The following DOCK6 variants were observed in gnomAD, a reference collection of about 807,000 sequenced individuals.
The protein encoded by DOCK6 is dedicator of cytokinesis 6, also known as dedicator of cytokinesis protein 6.
DOCK6 carries 167 observed loss-of-function variants against 230.3 expected under a neutral mutation model. That is an observed-to-expected ratio of 0.73 (90% CI 0.64 to 0.82). DOCK6 has a LOEUF of 0.82. DOCK6 is among the 40% of genes least tolerant of loss of function. The pLI, the probability that DOCK6 is intolerant of heterozygous loss-of-function variation, is 0.00. For missense variants in DOCK6, 2,598 were observed against 2,825.8 expected, an observed-to-expected ratio of 0.92 and a Z score of 1.83; for synonymous variants, 1,148 against 1,185.0, an observed-to-expected ratio of 0.97 and a Z score of 0.64.
intron 1 of DOCK6, among the ~76,000 whole-genome samples, chr19:11,259,432 G>C (rs1013795410): frequency 1.5e-5 from 2 of 133,534 alleles, no homozygotes; most frequent in Middle Eastern, 4.5e-3. Context: ...ATTCAAGGAT[G>C]GGGGAGAGAG....
At chr19:11,247,182 C>T (rs2080048080) in intron 7 of DOCK6, 2 of 151,998 alleles carry the variant, frequency 1.3e-5, no homozygotes, top group Middle Eastern at 3.4e-3. Flanking sequence ...CTCTGCCCTC[C>T]GGGTCAAGAG....
intron 7 of DOCK6, among the ~76,000 whole-genome samples, chr19:11,246,627 C>T (rs2080039415): frequency 6.6e-6 from 1 of 152,202 alleles, no homozygotes; most frequent in South Asian, 2.1e-4. Flanking sequence ...AGCTCCTCCT[C>T]CCTGCAACCA....
chr19:11,243,439 T>G lies in DOCK6; in HGVS notation c.1259-54A>C. ...GGGGACCAAGATGAAACAGGGAGAC[T>G]CAGGGGCGGCACAGTTCGGCCAGCA... On this transcript the variant is annotated intron_variant, in intron 11 of 47. Transcript: ENST00000294618. This position sits in a 1 kb window ranked among gnomAD's most constrained non-coding sequence, Gnocchi z 6.3. 2.5e-6 allele frequency: 4 copies of G among 1,576,278 alleles called. No individual in the cohort carries two copies. The highest frequency in any genetic ancestry group is 2.6e-6 in the Non-Finnish European group (3 of 1,162,874).
chr19:11,207,982 C>G (rs1045029915), intron 39 of DOCK6, among the ~76,000 whole-genome samples: 13 of 150,534 alleles, frequency 8.6e-5, no homozygotes, highest in Admixed American at 6.6e-5. Flanking sequence ...ATTGGCCAGG[C>G]ATGGTGGCAT....
chr19:11,209,328 C>T (rs1158922538), intron 37 of DOCK6, among the ~76,000 whole-genome samples: 1 of 151,648 alleles, frequency 6.6e-6, no homozygotes, highest in East Asian at 1.9e-4. Context: ...GCTGGCCAGT[C>T]ATCTGTCTTC....
chr19:11,234,664 T>A (rs371917406), intron 21 of DOCK6, among the ~76,000 whole-genome samples: 1 of 152,238 alleles, frequency 6.6e-6, no homozygotes, highest in African/African-American at 2.4e-5. Context: ...AGAAGTGACG[T>A]CACTTGCCCA....
At chr19:11,245,114 A>G (rs953937551) in intron 9 of DOCK6, among the ~76,000 whole-genome samples, 1 of 152,160 alleles carries the variant, frequency 6.6e-6, no homozygotes, top group Admixed American at 6.5e-5. Flanking sequence ...ATCCCTGTGA[A>G]GCGTGACCAT....
chr19:11,204,635 G>A (rs997633662), intron 39 of DOCK6, among the ~76,000 whole-genome samples: 6 of 152,054 alleles, frequency 3.9e-5, no homozygotes, highest in Non-Finnish European at 7.4e-5. Flanking sequence ...CAACTCCTGG[G>A]CTCAAGAGAT....
Position 11,200,175 on chromosome 19 carries a change from A to C in DOCK6, c.6101+133T>G. On this transcript the variant is annotated intron_variant, in intron 47 of 47. Transcript: ENST00000294618. This position sits in a 1 kb window ranked among gnomAD's most constrained non-coding sequence, Gnocchi z 4.3. ...AAAAAAAAAACAAAAAAAAAACCGG[A>C]AACAAAACAAAGTCCAAGCTACCAG... is the stretch of plus-strand genomic sequence containing the variant. 4 of 967,678 alleles carry C rather than the reference A, an allele frequency of 4.1e-6. No homozygotes were observed. Among genetic ancestry groups the C allele is most frequent in the African/African-American group, 1.7e-5 (1 of 58,358 alleles). 59.9% of individuals were successfully genotyped at this position (967,678 alleles called of 1,614,324 possible). A position where few individuals can be genotyped will look rare whatever the true frequency, so the allele number is the denominator to read the frequency against.
At position 11,217,443 on chromosome 19, in the gene DOCK6, C is replaced by T. The variant is rs528538330; in HGVS notation, c.3551-52G>A. 2.0e-5 allele frequency: 32 copies of T among 1,573,534 alleles called. No individual in the cohort carries two copies. In the African/African-American group the frequency reaches 2.4e-4, roughly 12 times the overall value. On this transcript the variant is annotated intron_variant, in intron 28 of 47. Coordinates refer to ENST00000294618, the MANE Select transcript of DOCK6 (RefSeq NM_020812.4). The stretch of plus-strand genomic sequence containing the variant: ...AAGATAAACCCTTGGTAAGTGCTGT[C>T]CCTGTCTCAAATTTCAGAAGTCTTC...
rs2079983261 is a variant in DOCK6 at position 11,243,561 on chromosome 19, C to T, written c.1254G>A (p.Glu418=). The change falls in exon 11 of 48, where the codon GAG becomes GAA. Residue 418 remains glutamate, a synonymous_variant. Coordinates refer to ENST00000294618, the MANE Select transcript of DOCK6 (RefSeq NM_020812.4). This position sits in a 1 kb window ranked among gnomAD's most constrained non-coding sequence, Gnocchi z 6.3. The stretch of plus-strand genomic sequence containing the variant: ...CTGTTAGCCCCGCCTCCTCACCGCC[C>T]TCCGAGTCAGAGTCCCGGTCCAGCT... ...AGQLDRDSDS[E]GERRPAWTDR... 3 of 1,602,074 alleles carry T rather than the reference C, an allele frequency of 1.9e-6. No individual in the cohort carries two copies. Among genetic ancestry groups the T allele is most frequent in the Admixed American group, 3.4e-5 (2 of 58,398 alleles).
chr19:11,227,406 T>A lies in DOCK6; in HGVS notation c.2886A>T (p.Gly962=). Residue 962 remains glycine, a synonymous_variant, in exon 24 of 48, where the codon GGA becomes GGT. Coordinates refer to ENST00000294618, the MANE Select transcript of DOCK6 (RefSeq NM_020812.4). ...LDTPRKLRFP[G]RFLDDITALV... ...AGGCAGTGATGTCGTCCAGGAAGCGTCCGGGGAAGCGCAGCTTGCGGGGTG... is the reference window on the plus strand; with the variant it reads ...AGGCAGTGATGTCGTCCAGGAAGCGACCGGGGAAGCGCAGCTTGCGGGGTG... The A allele has an allele frequency of 1.2e-6, 2 of 1,613,658 alleles. No homozygotes were observed. Among genetic ancestry groups the A allele is most frequent in the Non-Finnish European group, 1.7e-6 (2 of 1,179,826 alleles).
chr19:11,216,789 C>G, intron 30 of DOCK6, 125 bp downstream of exon 30: 1 of 966,868 alleles, frequency 1.0e-6, no homozygotes, highest in Non-Finnish European at 1.6e-6. Flanking sequence ...CCCCTTTCCT[C>G]TCAGTCCCAC....
chr19:11,249,898 C>CAAAAAA (rs1198954379), intron 6 of DOCK6, among the ~76,000 whole-genome samples: 1 of 50,576 alleles, frequency 2.0e-5, no homozygotes. Flanking sequence ...GACTCCATCT[C>CAAAAAA]AAAAAAAAAA....
In DOCK6 at chr19:11,243,998, G is replaced by C. The variant is rs994218274; in HGVS notation, c.1024-116C>G. 22 of 1,158,156 alleles carry C rather than the reference G, an allele frequency of 1.9e-5. No individual in the cohort carries two copies. In the South Asian group the frequency reaches 3.0e-4, roughly 16 times the overall value. The allele number at this position is 1,158,156 out of a possible 1,614,324, so 71.7% of individuals were successfully genotyped here. On this transcript the variant is annotated intron_variant, in intron 9 of 47. Coordinates refer to ENST00000294618, the MANE Select transcript of DOCK6 (RefSeq NM_020812.4). This position sits in a 1 kb window ranked among gnomAD's most constrained non-coding sequence, Gnocchi z 6.3. ...CCCTCGGACACTCCTAACATATGAA[G>C]GCCTTTGCTCCAACACCTCCCATGG...
Position 11,199,873 on chromosome 19 carries a change from G to A in DOCK6, c.6102-334C>T, listed in dbSNP as rs60708544. On this transcript the variant is annotated intron_variant, in intron 47 of 47. Transcript: ENST00000294618. Reference sequence around the variant, plus strand: ...AAAATTGAAGCCACCGCAGCCAGGCGTGGTGGTGGCTCATGCTGTAATTCC... The same window carrying A: ...AAAATTGAAGCCACCGCAGCCAGGCATGGTGGTGGCTCATGCTGTAATTCC... Among the ~76,000 whole-genome samples, 721 of 152,330 alleles carry A rather than the reference G, an allele frequency of 4.7e-3. 6 individuals are homozygous for A. The highest frequency in any genetic ancestry group is 0.016 in the African/African-American group (677 of 41,582).
Position 11,262,414 on chromosome 19 carries a change from G to C in DOCK6, c.27C>G (p.Phe9Leu), listed in dbSNP as rs1471580445. Reference sequence around the variant, plus strand: ...CACACTACCTGTTGATCTTGTGCGCGAAGGCGCGGCGCTCGGAGGCAGCCA... The same window carrying C: ...CACACTACCTGTTGATCTTGTGCGCCAAGGCGCGGCGCTCGGAGGCAGCCA... The part of the protein sequence containing the change: MAASERRA[F>L]AHKINRTVAA... Residue 9 changes from phenylalanine to leucine, a missense_variant, in exon 1 of 48, where the codon TTC (phenylalanine) becomes TTG (leucine). Coordinates refer to ENST00000294618, the MANE Select transcript of DOCK6 (RefSeq NM_020812.4). 15 of 1,272,796 alleles carry C rather than the reference G, an allele frequency of 1.2e-5. No individual in the cohort carries two copies. The highest frequency in any genetic ancestry group is 1.4e-5 in the Non-Finnish European group (14 of 1,008,826). The allele number at this position is 1,272,796 out of a possible 1,614,324, so 78.8% of individuals were successfully genotyped here.
At chr19:11,248,039 A>G in intron 7 of DOCK6, 27 bp downstream of exon 7, 3 of 1,597,414 alleles carry the variant, frequency 1.9e-6, no homozygotes, top group Non-Finnish European at 2.6e-6. Context: ...CACGCATCTA[A>G]GAAGAGAGAC....
chr19:11,214,771 G>A (rs2079453209), intron 32 of DOCK6, 122 bp from the exon 33 acceptor site: 1 of 891,374 alleles, frequency 1.1e-6, no homozygotes. Context: ...TCTGTTTTTT[G>A]TTTTTGTTTT....
Sources: allele counts gnomAD v4.1 joint callset (sites outside exome capture counted in the v4.1 genomes callset), GRCh38; gene constraint gnomAD v4.1.1; non-coding constraint Gnocchi (gnomAD v3.1); transcripts MANE v1.5; gene names NCBI Gene and HGNC (gene_info 2026-07-23, HGNC 2026-07-21).